The following SGCD variants were observed in gnomAD, a reference collection of about 807,000 sequenced individuals.
SGCD encodes delta-sarcoglycan.
In SGCD, 18 loss-of-function variants were observed where a neutral mutation model predicts 36.6. The observed-to-expected ratio is 0.49, with a 90% CI of 0.34 to 0.73. SGCD has a LOEUF of 0.73. Ranked by LOEUF, SGCD falls within the 30% of genes least tolerant of loss-of-function variation. The pLI, the probability that SGCD is intolerant of heterozygous loss-of-function variation, is 0.01. For missense variants in SGCD, 387 were observed against 346.7 expected (o/e 1.12, Z -0.92); for synonymous variants, 133 against 130.6 (o/e 1.02, Z -0.12).
At chr5:155,811,642 A>G in the SGCD span, among the ~76,000 whole-genome samples, 2 of 152,116 alleles carry the variant, frequency 1.3e-5, no homozygotes, top group Non-Finnish European at 2.9e-5. Flanking sequence ...GCAGCCCGCA[A>G]TGCAACGGGG....
At chr5:156,281,726 T>C (rs1766458595) in intron 3 of SGCD, among the ~76,000 whole-genome samples, 1 of 152,138 alleles carries the variant, frequency 6.6e-6, no homozygotes, top group Admixed American at 6.5e-5. Context: ...ATGGAGTGTG[T>C]ATGTGTGCCT....
chr5:155,925,643 T>C (rs1756980997), intron 1 of SGCD, among the ~76,000 whole-genome samples: 1 of 152,174 alleles, frequency 6.6e-6, no homozygotes, highest in African/African-American at 2.4e-5. Flanking sequence ...TGAGGCAGGA[T>C]CTTGCTCTGC....
At chr5:156,057,849 A>G (rs1581068516) in intron 1 of SGCD, among the ~76,000 whole-genome samples, 1 of 146,144 alleles carries the variant, frequency 6.8e-6, no homozygotes, top group East Asian at 1.9e-4. Flanking sequence ...AAAATCAATC[A>G]CTGGTCACTT....
chr5:156,578,369 A>G (rs1054659974), intron 4 of SGCD, among the ~76,000 whole-genome samples: 3 of 152,136 alleles, frequency 2.0e-5, no homozygotes, highest in African/African-American at 7.2e-5. Context: ...TTGGTCTAAA[A>G]TTCTCTTTTT....
At chr5:156,531,047 G>A (rs1757867559) in intron 4 of SGCD, among the ~76,000 whole-genome samples, 1 of 152,180 alleles carries the variant, frequency 6.6e-6, no homozygotes, top group Non-Finnish European at 1.5e-5. Flanking sequence ...AGTATTAAGA[G>A]GCGGGGCCTT....
intron 6 of SGCD, among the ~76,000 whole-genome samples, chr5:156,614,926 T>C (rs1761964039): frequency 6.6e-6 from 1 of 152,184 alleles, no homozygotes; most frequent in Non-Finnish European, 1.5e-5. Flanking sequence ...CAGGTACCAG[T>C]TGTCTTTTTT....
chr5:156,070,831 G>T (rs140270015), intron 1 of SGCD, among the ~76,000 whole-genome samples: 21,781 of 152,128 alleles, frequency 0.14, 1,808 homozygotes, highest in Non-Finnish European at 0.19. Context: ...TCTATTCAGA[G>T]ATTCAACTTC....
chr5:156,022,137 T>A (rs898548554), intron 1 of SGCD, among the ~76,000 whole-genome samples: 6 of 152,150 alleles, frequency 3.9e-5, no homozygotes, highest in African/African-American at 1.4e-4. Flanking sequence ...ATACATGACT[T>A]TTGTGTCTGG....
intron 4 of SGCD, among the ~76,000 whole-genome samples, chr5:156,552,686 C>T (rs941465432): frequency 6.6e-6 from 1 of 152,092 alleles, no homozygotes; most frequent in Non-Finnish European, 1.5e-5. Flanking sequence ...GATACCACAT[C>T]TGTTATTTCT....
At chr5:155,856,326 A>T in the SGCD span, among the ~76,000 whole-genome samples, 1 of 152,214 alleles carries the variant, frequency 6.6e-6, no homozygotes, top group African/African-American at 2.4e-5. Context: ...AGAGAAAAAG[A>T]ATAACAAAGA....
chr5:156,299,356 T>C (rs1207800217), intron 3 of SGCD, among the ~76,000 whole-genome samples: 1 of 152,322 alleles, frequency 6.6e-6, no homozygotes, highest in Admixed American at 6.5e-5. Flanking sequence ...TGTAGTATAA[T>C]TTGAAGTCAG....
At chr5:155,747,410 A>G in the SGCD span, among the ~76,000 whole-genome samples, 1 of 152,190 alleles carries the variant, frequency 6.6e-6, no homozygotes, top group Non-Finnish European at 1.5e-5. Context: ...TGGCTTTTAG[A>G]AACTTGTGTA....
At chr5:156,605,366 C>G (rs1288624055) in intron 6 of SGCD, among the ~76,000 whole-genome samples, 4 of 152,198 alleles carry the variant, frequency 2.6e-5, no homozygotes, top group African/African-American at 9.7e-5. Context: ...CATGTCCCTA[C>G]AAAGGACATG....
intron 3 of SGCD, among the ~76,000 whole-genome samples, chr5:156,414,055 C>T (rs1412196321): frequency 6.6e-6 from 1 of 152,208 alleles, no homozygotes; most frequent in African/African-American, 2.4e-5. Context: ...CTGTGCTCTG[C>T]ACCCCATTTT....
intron 3 of SGCD, among the ~76,000 whole-genome samples, chr5:156,424,527 T>A (rs560325545): frequency 6.6e-6 from 1 of 152,258 alleles, no homozygotes; most frequent in African/African-American, 2.4e-5. Flanking sequence ...TCTTGCCACA[T>A]CAATATCACT....
intron 3 of SGCD, among the ~76,000 whole-genome samples, chr5:156,376,223 A>G (rs1044887941): frequency 3.9e-5 from 6 of 152,218 alleles, no homozygotes; most frequent in African/African-American, 1.4e-4. Flanking sequence ...ATGGCTCCCC[A>G]TATCATCTTG....
At chr5:156,343,710 T>C (rs1252493077) in intron 2 of SGCD, among the ~76,000 whole-genome samples, 1 of 152,190 alleles carries the variant, frequency 6.6e-6, no homozygotes, top group African/African-American at 2.4e-5. Flanking sequence ...ACAAATCCTT[T>C]TCTAATTTCT....
chr5:155,753,059 C>T, the SGCD span, among the ~76,000 whole-genome samples: 3 of 152,022 alleles, frequency 2.0e-5, no homozygotes, highest in Admixed American at 1.3e-4. Context: ...TGATCTCGGC[C>T]GGGCGCAGTG....
At chr5:156,317,830 G>A (rs1326248208) in intron 3 of SGCD, among the ~76,000 whole-genome samples, 1 of 152,114 alleles carries the variant, frequency 6.6e-6, no homozygotes, top group African/African-American at 2.4e-5. Flanking sequence ...ACTGATGTAC[G>A]ATAAGATCTT....
Sources: allele counts gnomAD v4.1 joint callset (sites outside exome capture counted in the v4.1 genomes callset), GRCh38; gene constraint gnomAD v4.1.1; transcripts MANE v1.5; gene names NCBI Gene and HGNC (gene_info 2026-07-23, HGNC 2026-07-21).